Variants in C12orf42 observed in about 807,000 individuals in gnomAD.
C12orf42 encodes the protein uncharacterized protein C12orf42.
C12orf42 carries 25 observed loss-of-function variants against 21.6 expected under a neutral mutation model. The observed-to-expected ratio is 1.16, with a 90% confidence interval of 0.84 to 1.62. The LOEUF (loss-of-function observed/expected upper bound fraction) is 1.62. C12orf42 is among the 40% of genes most tolerant of loss of function. The pLI, the probability that C12orf42 is intolerant of heterozygous loss-of-function variation, is 0.00. For synonymous variants in C12orf42, 174 were observed against 175.0 expected (o/e 0.99, Z 0.05); for missense variants, 483 against 459.3 (o/e 1.05, Z -0.47).
chr12:103,359,809 T>G (rs1015904996), intron 4 of C12orf42, among the ~76,000 whole-genome samples: 2 of 152,028 alleles, frequency 1.3e-5, no homozygotes, highest in Non-Finnish European at 2.9e-5. Context: ...TACTCACTTC[T>G]GTGTCTCCAG....
At chr12:103,554,793 G>A in the C12orf42 span, among the ~76,000 whole-genome samples, 1 of 152,136 alleles carries the variant, frequency 6.6e-6, no homozygotes, top group South Asian at 2.1e-4. Flanking sequence ...ACAGCACTAG[G>A]GGGATGCTAC....
chr12:103,228,213 G>T, the C12orf42 span, among the ~76,000 whole-genome samples: 1 of 152,130 alleles, frequency 6.6e-6, no homozygotes, highest in East Asian at 1.9e-4. Flanking sequence ...AGTCAGCAAA[G>T]GGAGATAAGG....
chr12:103,473,703 T>C (rs1397232900), intron 2 of C12orf42, among the ~76,000 whole-genome samples: 2 of 152,246 alleles, frequency 1.3e-5, no homozygotes, highest in East Asian at 1.9e-4. Flanking sequence ...TCCAGTGTCT[T>C]GAAAACATAG....
chr12:103,187,708 G>C, the C12orf42 span, among the ~76,000 whole-genome samples: 1 of 152,154 alleles, frequency 6.6e-6, no homozygotes, highest in African/African-American at 2.4e-5. Flanking sequence ...TAAAAAAAAG[G>C]CTGGAATTGT....
At chr12:103,224,652 G>A in the C12orf42 span, among the ~76,000 whole-genome samples, 647 of 152,278 alleles carry the variant, frequency 4.2e-3, 1 homozygote, top group African/African-American at 0.014. Flanking sequence ...AAGTATATGC[G>A]TCAGGTGTGA....
the C12orf42 span, among the ~76,000 whole-genome samples, chr12:103,555,914 T>C: frequency 6.6e-6 from 1 of 151,806 alleles, no homozygotes; most frequent in Non-Finnish European, 1.5e-5. Context: ...TCACCTGTCC[T>C]GTGTGCAGGA....
At chr12:103,218,539 G>T in the C12orf42 span, among the ~76,000 whole-genome samples, 1 of 152,260 alleles carries the variant, frequency 6.6e-6, no homozygotes, top group East Asian at 1.9e-4. Flanking sequence ...AGTATTCTGG[G>T]AAATGCTTCA....
chr12:103,110,739 CA>C, the C12orf42 span, among the ~76,000 whole-genome samples: 5 of 152,152 alleles, frequency 3.3e-5, no homozygotes, highest in African/African-American at 1.2e-4. Flanking sequence ...TACAGGTTTT[CA>C]AAATCCTTCT....
chr12:103,138,858 A>T, the C12orf42 span, among the ~76,000 whole-genome samples: 1 of 152,078 alleles, frequency 6.6e-6, no homozygotes, highest in Admixed American at 6.6e-5. Context: ...TTATTCTTCA[A>T]GATTCATCTC....
At chr12:103,166,272 T>G in the C12orf42 span, among the ~76,000 whole-genome samples, 1 of 152,134 alleles carries the variant, frequency 6.6e-6, no homozygotes, top group African/African-American at 2.4e-5. Flanking sequence ...ATAGGGTGGT[T>G]GTTCTGAATA....
intron 2 of C12orf42, among the ~76,000 whole-genome samples, chr12:103,442,640 A>C (rs1951323487): frequency 6.6e-6 from 1 of 152,128 alleles, no homozygotes; most frequent in Non-Finnish European, 1.5e-5. Flanking sequence ...TTTTTCAACA[A>C]ATCACCAAAT....
chr12:103,321,938 C>G (rs150410821), intron 4 of C12orf42, among the ~76,000 whole-genome samples: 1,538 of 151,994 alleles, frequency 0.01, 17 homozygotes, highest in African/African-American at 0.035. Flanking sequence ...GTGGGTGCAG[C>G]ACACCAGCGT....
chr12:103,390,746 G>A (rs1255793820), intron 3 of C12orf42, among the ~76,000 whole-genome samples: 1 of 152,220 alleles, frequency 6.6e-6, no homozygotes, highest in East Asian at 1.9e-4. Flanking sequence ...TTGAGAAACA[G>A]CAAGCCAATG....
intron 2 of C12orf42, among the ~76,000 whole-genome samples, chr12:103,442,003 G>T (rs770608727): frequency 6.6e-6 from 1 of 151,994 alleles, no homozygotes; most frequent in Non-Finnish European, 1.5e-5. Flanking sequence ...AATTAGCTAG[G>T]CTTGGTGGTG....
intron 4 of C12orf42, among the ~76,000 whole-genome samples, chr12:103,330,529 C>A (rs2041154754): frequency 6.6e-6 from 1 of 152,160 alleles, no homozygotes; most frequent in Non-Finnish European, 1.5e-5. Flanking sequence ...TCAGAACATA[C>A]AGGCAGTATA....
At chr12:103,413,137 T>C (rs1017472158) in intron 2 of C12orf42, among the ~76,000 whole-genome samples, 3 of 152,208 alleles carry the variant, frequency 2.0e-5, no homozygotes, top group African/African-American at 7.2e-5. Context: ...TTTTTGTACA[T>C]GGGTGAAAGC....
chr12:103,427,870 G>A (rs1949964899), intron 2 of C12orf42, among the ~76,000 whole-genome samples: 1 of 152,204 alleles, frequency 6.6e-6, no homozygotes, highest in African/African-American at 2.4e-5. Flanking sequence ...GCTCCTGAAT[G>A]ATTACTGGGT....
At chr12:103,196,908 A>G in the C12orf42 span, among the ~76,000 whole-genome samples, 1 of 152,120 alleles carries the variant, frequency 6.6e-6, no homozygotes, top group African/African-American at 2.4e-5. Flanking sequence ...TGTTTAGCCC[A>G]TTTACATTTA....
intron 3 of C12orf42, among the ~76,000 whole-genome samples, chr12:103,377,939 CTT>C (rs2045847065): frequency 6.6e-6 from 1 of 152,184 alleles, no homozygotes; most frequent in African/African-American, 2.4e-5. Context: ...AGTCTTCTCT[CTT>C]TGTCTTTATC....
Sources: gnomAD v4.1 joint callset for allele counts (sites outside exome capture counted in the v4.1 genomes callset) on GRCh38, gnomAD v4.1.1 for gene constraint, MANE v1.5 for transcripts, NCBI Gene and HGNC (gene_info 2026-07-23, HGNC 2026-07-21) for gene names.